Variants in DNAAF9 observed in about 807,000 individuals in gnomAD.
The protein encoded by DNAAF9 is dynein axonemal assembly factor 9.
In DNAAF9, 90 loss-of-function variants were observed where a neutral mutation model predicts 167.0. The ratio of observed to expected loss-of-function variants is 0.54; its 90% CI spans 0.45 to 0.64. The LOEUF (loss-of-function observed/expected upper bound fraction) is 0.64, where lower values mean the gene tolerates loss of function less well. Among genes scored for constraint, DNAAF9 ranks in the 30% least tolerant of loss-of-function variants. The pLI, the probability that DNAAF9 is intolerant of heterozygous loss-of-function variation, is 0.00. For synonymous variants in DNAAF9, 491 were observed against 508.8 expected, an observed-to-expected ratio of 0.96 and a Z score of 0.47; for missense variants, 1,315 against 1,442.2, an observed-to-expected ratio of 0.91 and a Z score of 1.43.
At position 3,287,704 on chromosome 20, in the gene DNAAF9, G is replaced by T; in HGVS notation, c.2414C>A (p.Ala805Asp). 1 of 1,614,212 alleles carries T rather than the reference G, an allele frequency of 6.2e-7. No homozygotes were observed. Among genetic ancestry groups the T allele is most frequent in the South Asian group, 1.1e-5 (1 of 91,084 alleles). Residue 805 changes from alanine (A) to aspartate (D), a missense_variant, in exon 27 of 37, where the codon GCC becomes GAC. Around this residue, in one of 2 missense-constraint regions of DNAAF9, gnomAD observed 981 missense variants for 1,012.5 expected, o/e 0.97. Coordinates refer to ENST00000252032, the MANE Select transcript of DNAAF9 (RefSeq NM_001009984.3). Reference protein sequence around the residue: ...FQRYLSSALEAQQNRSARQSA... With the variant: ...FQRYLSSALEDQQNRSARQSA... The stretch of plus-strand genomic sequence containing the variant: ...CTGGCGCGCAGAGCGGTTCTGCTGG[G>T]CCTCTAGGGCACTGGAAAGGTATCT...
At chr20:3,312,730 A>G (rs913137477) in intron 20 of DNAAF9, among the ~76,000 whole-genome samples, 2 of 152,174 alleles carry the variant, frequency 1.3e-5, no homozygotes. Flanking sequence ...AGAGTCCACA[A>G]ATGGTACAAA....
At chr20:3,395,273 A>G (rs1202038784) in intron 1 of DNAAF9, among the ~76,000 whole-genome samples, 1 of 147,422 alleles carries the variant, frequency 6.8e-6, no homozygotes, top group East Asian at 2.0e-4. Context: ...GCCTGGCCGA[A>G]CATTTTCTTT....
chr20:3,357,942 C>T (rs1422489548), intron 7 of DNAAF9, among the ~76,000 whole-genome samples: 1 of 151,964 alleles, frequency 6.6e-6, no homozygotes, highest in Non-Finnish European at 1.5e-5. Context: ...CTCAGGAGTT[C>T]AAGGCTGTAG....
Position 3,407,535 on chromosome 20 carries a change from C to T in DNAAF9, c.23G>A (p.Arg8Gln), listed in dbSNP as rs1007069453. 3 of 1,258,658 alleles carry T rather than the reference C, an allele frequency of 2.4e-6. No homozygotes were observed. Among genetic ancestry groups the T allele is most frequent in the Non-Finnish European group, 3.0e-6 (3 of 1,005,576 alleles). The allele number at this position is 1,258,658 out of a possible 1,614,324, so 78.0% of individuals were successfully genotyped here. A position where few individuals can be genotyped will look rare whatever the true frequency, so the allele number is the denominator to read the frequency against. Residue 8 changes from arginine to glutamine, a missense_variant, in exon 1 of 37, where the codon CGG (arginine) becomes CAG (glutamine). Arg to Gln is a conservative substitution (Grantham distance 43). This residue lies in a region of DNAAF9 where 981 missense variants were observed against 1,012.5 expected (regional missense o/e 0.97). Transcript: ENST00000252032. The stretch of plus-strand genomic sequence containing the variant: ...GGACCGAGCGCGGGGCAGCCCCTGC[C>T]GGCGCGGGGGGTACACGTCCATGGC... The part of the protein sequence containing the change: MDVYPPR[R>Q]QGLPRARSPG...
In DNAAF9 at chr20:3,407,501, G is replaced by A; in HGVS notation, c.57C>T (p.Gly19=). 7.8e-7 allele frequency: 1 copy of A among 1,289,160 alleles called. No individual in the cohort carries two copies. Among genetic ancestry groups the A allele is most frequent in the South Asian group, 2.6e-5 (1 of 39,178 alleles). 79.9% of individuals were successfully genotyped at this position (1,289,160 alleles called of 1,614,324 possible). A position where few individuals can be genotyped will look rare whatever the true frequency, so the allele number is the denominator to read the frequency against. Residue 19 remains glycine (G), a synonymous_variant, in exon 1 of 37, where the codon GGC becomes GGT. Transcript: ENST00000252032. ...QGLPRARSPG[G]SSRGSPSVSC... ...TGACGGAGGGTGACCCGCGGCTGGA[G>A]CCGCCAGGGGACCGAGCGCGGGGCA... is the stretch of plus-strand genomic sequence containing the variant.
At position 3,382,419 on chromosome 20, in the gene DNAAF9, G is replaced by C. The variant is rs1245746916; in HGVS notation, c.163+8C>G. 6.2e-7 allele frequency: 1 copy of C among 1,610,298 alleles called. No homozygotes were observed. Among genetic ancestry groups the C allele is most frequent in the Non-Finnish European group, 8.5e-7 (1 of 1,176,732 alleles). ...AGCCCTGAGTCCCACCTTGTTAAAA[G>C]CACTGACCTAGGATGCAGAGGATCC... On this transcript the variant is annotated splice_region_variant and intron_variant, in intron 2 of 36. Transcript: ENST00000252032.
intron 6 of DNAAF9, among the ~76,000 whole-genome samples, chr20:3,367,769 A>G (rs11698836): frequency 6.6e-6 from 1 of 152,160 alleles, no homozygotes; most frequent in Non-Finnish European, 1.5e-5. Context: ...GATTATCATA[A>G]CAGATATAAT....
intron 12 of DNAAF9, among the ~76,000 whole-genome samples, chr20:3,328,031 C>T (rs184469562): frequency 1.3e-3 from 201 of 152,168 alleles, no homozygotes; most frequent in African/African-American, 4.4e-3. Flanking sequence ...CAAAGATATC[C>T]CCCTCCTCAG....
At chr20:3,325,769 G>A (rs1453445341) in intron 13 of DNAAF9, among the ~76,000 whole-genome samples, 1 of 152,124 alleles carries the variant, frequency 6.6e-6, no homozygotes, top group Non-Finnish European at 1.5e-5. Flanking sequence ...TCTAGGAAAA[G>A]CAAGTCAGAT....
At chr20:3,342,028 C>T (rs1002180618) in intron 9 of DNAAF9, among the ~76,000 whole-genome samples, 2 of 152,184 alleles carry the variant, frequency 1.3e-5, no homozygotes, top group African/African-American at 4.8e-5. Flanking sequence ...CCACCCACCT[C>T]GGCCTCCCAG....
rs530857191 is a variant in DNAAF9, at chr20:3,312,234, C to T, written c.1678+2799G>A. On this transcript the variant is annotated intron_variant, in intron 20 of 36. Transcript: ENST00000252032. ...AACTCCCGACTTCAGGTGATTCGCC[C>T]GCCTTGGCCTCCCAAAGTTCTGGGA... is the stretch of plus-strand genomic sequence containing the variant. Among the ~76,000 whole-genome samples the T allele has an allele frequency of 2.6e-5, 4 of 152,134 alleles. No homozygotes were observed. The South Asian group carries it at 6.2e-4, about 24-fold the overall frequency.
chr20:3,316,815 GC>G, intron 17 of DNAAF9, 22 bp from the exon 18 acceptor site: 1 of 1,592,338 alleles, frequency 6.3e-7, no homozygotes, highest in Non-Finnish European at 8.6e-7. Flanking sequence ...CCACACACAT[GC>G]CAGTTAATTC....
intron 2 of DNAAF9, among the ~76,000 whole-genome samples, chr20:3,381,943 T>A (rs2083659875): frequency 6.6e-6 from 1 of 152,192 alleles, no homozygotes. Flanking sequence ...TTTACAATTA[T>A]GAGGCTCAAG....
intron 6 of DNAAF9, among the ~76,000 whole-genome samples, chr20:3,367,913 T>TAAAA (rs35776183): frequency 7.0e-6 from 1 of 142,176 alleles, no homozygotes; most frequent in East Asian, 2.1e-4. Context: ...TCAATTTGTT[T>TAAAA]AAAAAAAAAA....
intron 17 of DNAAF9, among the ~76,000 whole-genome samples, chr20:3,316,999 AC>A (rs1192899039): frequency 1.3e-5 from 2 of 148,318 alleles, no homozygotes; most frequent in East Asian, 4.0e-4. Context: ...AGTTCAAGCA[AC>A]TCTCTTGACT....
rs568500748 is a variant in DNAAF9 at position 3,344,164 on chromosome 20, A to G, written c.790-433T>C. Among the ~76,000 whole-genome samples, 36 of 152,270 alleles carry G rather than the reference A, an allele frequency of 2.4e-4. No homozygotes were observed. The South Asian group carries it at 7.3e-3, about 31-fold the overall frequency. On this transcript the variant is annotated intron_variant, in intron 8 of 36. Transcript: ENST00000252032. Reference sequence around the variant, plus strand: ...AAAATGTCTTCTACATTTCCAATACATTAATATATACAAATTCTGCTGTGC... The same window carrying G: ...AAAATGTCTTCTACATTTCCAATACGTTAATATATACAAATTCTGCTGTGC...
chr20:3,319,199 G>A (rs2069567542), intron 16 of DNAAF9, among the ~76,000 whole-genome samples: 1 of 142,864 alleles, frequency 7.0e-6, no homozygotes, highest in Admixed American at 7.5e-5. Flanking sequence ...GGAGGTTGAG[G>A]CTGCAGTGAT....
intron 27 of DNAAF9, among the ~76,000 whole-genome samples, chr20:3,286,826 CAT>C (rs1222815062): frequency 6.6e-6 from 1 of 152,226 alleles, no homozygotes; most frequent in East Asian, 1.9e-4. Context: ...CAAACACTAA[CAT>C]AGCACAAAAG....
At chr20:3,368,020 T>C (rs1041006596) in intron 6 of DNAAF9, among the ~76,000 whole-genome samples, 14 of 152,216 alleles carry the variant, frequency 9.2e-5, no homozygotes, top group African/African-American at 2.7e-4. Flanking sequence ...ACAGGCACTG[T>C]TCTCAGCCCA....
Sources: gnomAD v4.1 joint callset for allele counts (sites outside exome capture counted in the v4.1 genomes callset) on GRCh38, gnomAD v4.1.1 for gene constraint, gnomAD v4.1.1 regional missense constraint, MANE v1.5 for transcripts, NCBI Gene and HGNC (gene_info 2026-07-23, HGNC 2026-07-21) for gene names.